Variants in PTPRD observed in about 807,000 individuals in gnomAD.
The protein encoded by PTPRD is protein tyrosine phosphatase receptor type D.
A neutral mutation model predicts 214.5 loss-of-function variants in PTPRD; 34 were observed. The ratio of observed to expected loss-of-function variants is 0.16; its 90% CI spans 0.12 to 0.21. PTPRD has a LOEUF of 0.21. PTPRD is among the 10% of genes least tolerant of loss of function. The pLI is 1.00. For missense variants in PTPRD, 2,545 were observed against 2,398.7 expected, an observed-to-expected ratio of 1.06 and a Z score of -1.27; for synonymous variants, 1,128 against 845.7, an observed-to-expected ratio of 1.33 and a Z score of -5.79.
At chr9:10,194,199 T>C (rs965838900) in intron 3 of PTPRD, among the ~76,000 whole-genome samples, 2 of 151,952 alleles carry the variant, frequency 1.3e-5, no homozygotes, top group Non-Finnish European at 2.9e-5. Context: ...TTATCCTCTT[T>C]ATTCTGGACT....
intron 9 of PTPRD, among the ~76,000 whole-genome samples, chr9:9,297,209 G>T (rs1341132842): frequency 6.6e-6 from 1 of 151,634 alleles, no homozygotes; most frequent in Non-Finnish European, 1.5e-5. Flanking sequence ...GAAGTTCACT[G>T]TTAATTGGAA....
chr9:9,473,213 G>A (rs2094756070), intron 8 of PTPRD, among the ~76,000 whole-genome samples: 1 of 152,096 alleles, frequency 6.6e-6, no homozygotes, highest in Middle Eastern at 3.2e-3. Flanking sequence ...GAGAACACAT[G>A]AATGAAAACA....
At chr9:8,342,983 G>A (rs545175141) in intron 39 of PTPRD, among the ~76,000 whole-genome samples, 1 of 152,034 alleles carries the variant, frequency 6.6e-6, no homozygotes, top group African/African-American at 2.4e-5. Context: ...TCACACTGCT[G>A]GCTCTGGGAG....
At chr9:10,569,703 A>G (rs1004468124) in intron 2 of PTPRD, among the ~76,000 whole-genome samples, 1 of 152,144 alleles carries the variant, frequency 6.6e-6, no homozygotes, top group Admixed American at 6.6e-5. Context: ...TCAATCACAC[A>G]TATTTCTCCA....
At chr9:9,258,180 G>C (rs1414136998) in intron 9 of PTPRD, among the ~76,000 whole-genome samples, 2 of 151,872 alleles carry the variant, frequency 1.3e-5, no homozygotes, top group Admixed American at 1.3e-4. Flanking sequence ...ATGGCTGACA[G>C]CTGCAAAAAT....
intron 12 of PTPRD, among the ~76,000 whole-genome samples, chr9:8,698,043 A>T (rs1365826848): frequency 6.6e-6 from 1 of 152,212 alleles, no homozygotes; most frequent in African/African-American, 2.4e-5. Flanking sequence ...CCATGTCCAC[A>T]GTAAGCATTC....
At chr9:8,541,372 G>T (rs1361652250) in intron 14 of PTPRD, among the ~76,000 whole-genome samples, 1 of 152,110 alleles carries the variant, frequency 6.6e-6, no homozygotes, top group East Asian at 1.9e-4. Context: ...TGGGACTACA[G>T]GCATGTGTCA....
chr9:9,805,397 T>C (rs1283816688), intron 5 of PTPRD, among the ~76,000 whole-genome samples: 1 of 152,128 alleles, frequency 6.6e-6, no homozygotes, highest in African/African-American at 2.4e-5. Context: ...GCAACAGTAT[T>C]AGAAAAGAGG....
At chr9:9,899,150 C>G (rs912311454) in intron 5 of PTPRD, among the ~76,000 whole-genome samples, 3 of 151,852 alleles carry the variant, frequency 2.0e-5, no homozygotes, top group Non-Finnish European at 2.9e-5. Context: ...TAGTATACCC[C>G]AAGAAGAAGT....
chr9:9,097,076 A>T (rs59331721), intron 10 of PTPRD, among the ~76,000 whole-genome samples: 3 of 152,340 alleles, frequency 2.0e-5, no homozygotes, highest in African/African-American at 7.2e-5. Flanking sequence ...CTCTTGAAAC[A>T]TCAGAATATA....
chr9:9,744,724 G>T (rs2098440506), intron 6 of PTPRD, among the ~76,000 whole-genome samples: 1 of 151,920 alleles, frequency 6.6e-6, no homozygotes, highest in Non-Finnish European at 1.5e-5. Context: ...ATGAAGAACA[G>T]AAAAAGAATA....
chr9:9,855,617 G>A (rs1186987497), intron 5 of PTPRD, among the ~76,000 whole-genome samples: 1 of 152,176 alleles, frequency 6.6e-6, no homozygotes, highest in Non-Finnish European at 1.5e-5. Context: ...TAAACAAAGC[G>A]GGAACTGGAG....
At chr9:8,438,979 C>T (rs920122973) in intron 34 of PTPRD, among the ~76,000 whole-genome samples, 1 of 152,144 alleles carries the variant, frequency 6.6e-6, no homozygotes, top group Non-Finnish European at 1.5e-5. Context: ...AAGAAAAATT[C>T]AAGCAGACCT....
intron 11 of PTPRD, among the ~76,000 whole-genome samples, chr9:9,004,172 A>C (rs910106828): frequency 6.6e-6 from 1 of 152,032 alleles, no homozygotes; most frequent in South Asian, 2.1e-4. Flanking sequence ...AAATTATTGT[A>C]TGTTTTGATA....
intron 11 of PTPRD, among the ~76,000 whole-genome samples, chr9:8,924,293 T>G (rs773918083): frequency 3.3e-5 from 5 of 152,200 alleles, no homozygotes; most frequent in Non-Finnish European, 7.3e-5. Flanking sequence ...TAACAAGCAC[T>G]ATTTCAATCA....
intron 7 of PTPRD, among the ~76,000 whole-genome samples, chr9:9,606,242 A>T (rs1217246162): frequency 6.6e-6 from 1 of 152,142 alleles, no homozygotes; most frequent in Non-Finnish European, 1.5e-5. Flanking sequence ...TACATCCTTT[A>T]TCGATGGAGA....
intron 14 of PTPRD, among the ~76,000 whole-genome samples, chr9:8,575,217 A>G (rs548596102): frequency 6.6e-6 from 1 of 152,284 alleles, no homozygotes; most frequent in Non-Finnish European, 1.5e-5. Flanking sequence ...TCCTGAAATT[A>G]ACTCAAATCA....
At chr9:9,880,970 A>C (rs2068494384) in intron 5 of PTPRD, among the ~76,000 whole-genome samples, 1 of 152,094 alleles carries the variant, frequency 6.6e-6, no homozygotes, top group South Asian at 2.1e-4. Flanking sequence ...ACCAGTACCT[A>C]TGTGTAGTCA....
At chr9:9,907,522 C>T (rs182982777) in intron 5 of PTPRD, among the ~76,000 whole-genome samples, 1 of 151,994 alleles carries the variant, frequency 6.6e-6, no homozygotes, top group Admixed American at 6.6e-5. Context: ...ACACATATCA[C>T]TGATGTCTAT....
Sources: allele counts gnomAD v4.1 joint callset (sites outside exome capture counted in the v4.1 genomes callset), GRCh38; gene constraint gnomAD v4.1.1; transcripts MANE v1.5; gene names NCBI Gene and HGNC (gene_info 2026-07-23, HGNC 2026-07-21).